Variants in MGMT observed in about 807,000 individuals in gnomAD.
MGMT encodes methylated-DNA--protein-cysteine methyltransferase.
In MGMT, 14 loss-of-function variants were observed where a neutral mutation model predicts 15.9. The ratio of observed to expected loss-of-function variants is 0.88; its 90% CI spans 0.58 to 1.37. MGMT has a LOEUF of 1.37. MGMT is among the 40% of genes most tolerant of loss of function. The probability of loss-of-function intolerance (pLI) is 0.00; values close to 1 mark genes in which losing one functional copy is unlikely to be tolerated. For synonymous variants in MGMT, 130 were observed against 118.2 expected (o/e 1.10, Z -0.65); for missense variants, 282 against 268.1 (o/e 1.05, Z -0.36).
chr10:129,612,379 G>C (rs751097184), intron 2 of MGMT, among the ~76,000 whole-genome samples: 3 of 152,230 alleles, frequency 2.0e-5, no homozygotes, highest in Non-Finnish European at 2.9e-5. Flanking sequence ...CGTCATGCCT[G>C]AAACAGTCTC....
rs138820543 is a variant in MGMT at position 129,682,871 on chromosome 10, C to T, written c.126-25024C>T. ...TACCAGTTTTTTGTTGTTTTTGAGA[C>T]GGAGTTTCACTCTGTCACTCAGGCT... is the stretch of plus-strand genomic sequence containing the variant. On this transcript the variant is annotated intron_variant, in intron 2 of 4. Transcript: ENST00000651593. Among the ~76,000 whole-genome samples the T allele has an allele frequency of 9.5e-3, 1,446 of 152,298 alleles. 22 individuals carry two copies. Among genetic ancestry groups the T allele is most frequent in the African/African-American group, 0.033 (1,360 of 41,576 alleles).
rs144992998 is a variant in MGMT, at chr10:129,761,477, G to A, written c.414+2136G>A. Among the ~76,000 whole-genome samples, 189 of 152,368 alleles carry A rather than the reference G, an allele frequency of 1.2e-3. 1 individual carries two copies. The highest frequency in any genetic ancestry group is 4.4e-3 in the African/African-American group (181 of 41,584). On this transcript the variant is annotated intron_variant, in intron 4 of 4. Transcript: ENST00000651593. The stretch of plus-strand genomic sequence containing the variant: ...TGCCAGCAGTTTCTCACTCTGCAGT[G>A]GAGATGCCGTCGCTGGTTAGCAATC...
chr10:129,767,128 T>C lies in MGMT; in HGVS notation c.*131T>C, dbSNP rs999011294. ...AACAAGCGTGTCTGCCCTTTCTGTT[T>C]CCATATTTTACAGCAGGATGAGTTC... is the stretch of plus-strand genomic sequence containing the variant. On this transcript the variant is annotated 3_prime_UTR_variant, in exon 5 of 5. Transcript: ENST00000651593. 5 of 796,126 alleles carry C rather than the reference T, an allele frequency of 6.3e-6. No homozygotes were observed. In the East Asian group the frequency reaches 1.4e-4, roughly 22 times the overall value. 49.3% of individuals were successfully genotyped at this position (796,126 alleles called of 1,614,324 possible).
intron 2 of MGMT, among the ~76,000 whole-genome samples, chr10:129,657,703 A>ACACACACACACACACACACG (rs1467822718): frequency 8.0e-6 from 1 of 124,512 alleles, no homozygotes; most frequent in Non-Finnish European, 1.7e-5. Context: ...ACACACACAC[A>ACACACACACACACACACACG]CACGCACACA....
At chr10:129,544,144 C>T (rs1359892656) in intron 2 of MGMT, among the ~76,000 whole-genome samples, 3 of 152,138 alleles carry the variant, frequency 2.0e-5, no homozygotes, top group Admixed American at 2.0e-4. Context: ...GAGATCATGC[C>T]CCTCTCTCCT....
chr10:129,554,204 C>T (rs565939852), intron 2 of MGMT, among the ~76,000 whole-genome samples: 36 of 152,336 alleles, frequency 2.4e-4, no homozygotes, highest in African/African-American at 8.2e-4. Flanking sequence ...GTGAGCAGCA[C>T]GCAGGTGATG....
In MGMT at chr10:129,470,054, A is replaced by G. The variant is rs369182243; in HGVS notation, c.-13+2758A>G. Among the ~76,000 whole-genome samples the G allele has an allele frequency of 2.6e-5, 4 of 152,322 alleles. No individual in the cohort carries two copies. In the East Asian group the frequency reaches 5.8e-4, roughly 22 times the overall value. ...AACGAAACCTGAAGGATTTAAAATC[A>G]GAGAAGACACATAAACCATCACCTG... is the stretch of plus-strand genomic sequence containing the variant. On this transcript the variant is annotated intron_variant, in intron 1 of 4. Coordinates refer to ENST00000651593, the MANE Select transcript of MGMT (RefSeq NM_002412.5).
chr10:129,519,771 G>A (rs1241317561), intron 1 of MGMT, among the ~76,000 whole-genome samples: 2 of 152,166 alleles, frequency 1.3e-5, no homozygotes, highest in Non-Finnish European at 2.9e-5. Context: ...GTGGTGTGCA[G>A]GCTTAATGCT....
chr10:129,586,241 C>T (rs1846616547), intron 2 of MGMT, among the ~76,000 whole-genome samples: 1 of 152,134 alleles, frequency 6.6e-6, no homozygotes. Flanking sequence ...CTCACATATA[C>T]AGTTTGATAA....
intron 3 of MGMT, among the ~76,000 whole-genome samples, chr10:129,739,665 C>T (rs1368230726): frequency 2.6e-5 from 4 of 152,114 alleles, no homozygotes; most frequent in Admixed American, 1.3e-4. Context: ...GTCAGAACCC[C>T]TATACCAAGC....
chr10:129,580,986 G>C (rs542101479), intron 2 of MGMT, among the ~76,000 whole-genome samples: 1 of 152,364 alleles, frequency 6.6e-6, no homozygotes, highest in East Asian at 1.9e-4. Context: ...AGGAATCAAA[G>C]CAGGTGCTTG....
chr10:129,467,620 G>T (rs765081524), intron 1 of MGMT, among the ~76,000 whole-genome samples: 1 of 152,214 alleles, frequency 6.6e-6, no homozygotes, highest in Non-Finnish European at 1.5e-5. Flanking sequence ...CTTCCATGCT[G>T]CCAGCTTTCC....
intron 3 of MGMT, among the ~76,000 whole-genome samples, chr10:129,714,320 T>C (rs756483922): frequency 2.0e-5 from 3 of 152,276 alleles, no homozygotes; most frequent in Non-Finnish European, 2.9e-5. Flanking sequence ...TAGTTCATTG[T>C]TTCATATTTG....
At chr10:129,642,881 G>A (rs942716392) in intron 2 of MGMT, among the ~76,000 whole-genome samples, 3 of 151,860 alleles carry the variant, frequency 2.0e-5, no homozygotes, top group South Asian at 2.1e-4. Context: ...GCAGTGAGCC[G>A]CGATCCCACC....
intron 2 of MGMT, among the ~76,000 whole-genome samples, chr10:129,632,838 T>G (rs913523857): frequency 2.6e-5 from 4 of 152,148 alleles, no homozygotes; most frequent in Non-Finnish European, 4.4e-5. Context: ...TGATTCCATG[T>G]CTCATGCAGA....
chr10:129,636,338 A>G (rs1847264818), intron 2 of MGMT, among the ~76,000 whole-genome samples: 1 of 152,240 alleles, frequency 6.6e-6, no homozygotes, highest in Non-Finnish European at 1.5e-5. Context: ...TAACCAGCAC[A>G]GAGGTTAGTA....
chr10:129,705,248 C>T (rs1377356082), intron 2 of MGMT, among the ~76,000 whole-genome samples: 1 of 152,208 alleles, frequency 6.6e-6, no homozygotes, highest in African/African-American at 2.4e-5. Flanking sequence ...TAGATCCCAG[C>T]TTTGCCGTTT....
chr10:129,627,228 T>G (rs485579), intron 2 of MGMT, among the ~76,000 whole-genome samples: 72,290 of 151,582 alleles, frequency 0.48, 17,736 homozygotes, highest in East Asian at 0.62. Context: ...AGTATCCAGT[T>G]ACTGTTTTTC....
intron 3 of MGMT, among the ~76,000 whole-genome samples, chr10:129,724,593 T>C (rs1434409528): frequency 6.6e-6 from 1 of 152,162 alleles, no homozygotes; most frequent in Non-Finnish European, 1.5e-5. Context: ...GAACTCTTAA[T>C]GGTATATGTG....
Sources: allele counts gnomAD v4.1 joint callset (sites outside exome capture counted in the v4.1 genomes callset), GRCh38; gene constraint gnomAD v4.1.1; transcripts MANE v1.5; gene names NCBI Gene and HGNC (gene_info 2026-07-23, HGNC 2026-07-21).